The following PPP2R2C variants were observed in gnomAD, a reference collection of about 807,000 sequenced individuals.
PPP2R2C encodes the protein protein phosphatase 2 regulatory subunit Bgamma.
Under a neutral mutation model 45.3 loss-of-function variants are expected in PPP2R2C, and 10 were observed. The ratio of observed to expected loss-of-function variants is 0.22; its 90% CI spans 0.14 to 0.37. The LOEUF is 0.37. PPP2R2C is among the 10% of genes least tolerant of loss of function. The pLI is 1.00. For missense variants in PPP2R2C, 308 were observed against 619.7 expected, an observed-to-expected ratio of 0.50 and a Z score of 5.34; for synonymous variants, 257 against 245.4, an observed-to-expected ratio of 1.05 and a Z score of -0.44.
intron 6 of PPP2R2C, among the ~76,000 whole-genome samples, chr4:6,346,440 CCT>C (rs1379495787): frequency 1.3e-5 from 2 of 152,162 alleles, no homozygotes; most frequent in African/African-American, 2.4e-5. Flanking sequence ...TCCCTGACCC[CCT>C]CTGTCCCTGT....
At chr4:6,444,950 C>G (rs1402313509) in intron 1 of PPP2R2C, among the ~76,000 whole-genome samples, 1 of 152,168 alleles carries the variant, frequency 6.6e-6, no homozygotes, top group East Asian at 1.9e-4. Context: ...TTTGAGAGGC[C>G]AAGGCAGGTG....
chr4:6,426,016 G>A (rs1376525338), intron 1 of PPP2R2C, among the ~76,000 whole-genome samples: 1 of 152,116 alleles, frequency 6.6e-6, no homozygotes, highest in African/African-American at 2.4e-5. Context: ...CTGGGTACAG[G>A]CCTGCTTCCC....
intron 1 of PPP2R2C, among the ~76,000 whole-genome samples, chr4:6,427,025 C>T (rs1719370455): frequency 6.6e-6 from 1 of 152,238 alleles, no homozygotes; most frequent in Non-Finnish European, 1.5e-5. Context: ...ACGGAGGGCA[C>T]ATCCAAGGGG....
Position 6,397,335 on chromosome 4 carries a change from A to T in PPP2R2C, c.71-16241T>A, listed in dbSNP as rs150575333. On this transcript the variant is annotated intron_variant, in intron 1 of 8. Coordinates refer to ENST00000382599, the MANE Select transcript of PPP2R2C (RefSeq NM_020416.4). ...CACCAACCAAAAATCACCCCAGGCC[A>T]GGGGGAGGCCTCAGCCTCGGGGCCT... 3.2e-3 allele frequency among the ~76,000 whole-genome samples: 481 copies of T among 152,294 alleles called. 5 individuals carry two copies. Among genetic ancestry groups the T allele is most frequent in the East Asian group, 0.025 (128 of 5,150 alleles).
Position 6,364,110 on chromosome 4 carries a change from G to C in PPP2R2C, c.625+8413C>G, listed in dbSNP as rs1276318450. The stretch of plus-strand genomic sequence containing the variant: ...GAGAGGCGGGAAATGAACAGGGAAC[G>C]AGGTAGAGGCCAAGCCTCTAGGGAA... On this transcript the variant is annotated intron_variant, in intron 5 of 8. Coordinates refer to ENST00000382599, the MANE Select transcript of PPP2R2C (RefSeq NM_020416.4). The surrounding 1 kb of genome is among the most constrained non-coding windows in gnomAD (Gnocchi z 5.3). 6.6e-6 allele frequency among the ~76,000 whole-genome samples: 1 copy of C among 152,206 alleles called. No individual in the cohort carries two copies. The highest frequency in any genetic ancestry group is 1.5e-5 in the Non-Finnish European group (1 of 68,028).
At chr4:6,556,283 C>T (rs1449870142) in intron 1 of PPP2R2C, among the ~76,000 whole-genome samples, 2 of 152,110 alleles carry the variant, frequency 1.3e-5, no homozygotes, top group South Asian at 2.1e-4. Flanking sequence ...TTGTTCAGGG[C>T]CTGAATGGAA....
chr4:6,414,973 C>G (rs543810351), intron 1 of PPP2R2C, among the ~76,000 whole-genome samples: 4 of 152,316 alleles, frequency 2.6e-5, no homozygotes, highest in African/African-American at 9.6e-5. Context: ...CCATAGGAAC[C>G]CAGGTTCCAC....
At chr4:6,419,204 G>A (rs1718802138) in intron 1 of PPP2R2C, among the ~76,000 whole-genome samples, 1 of 152,196 alleles carries the variant, frequency 6.6e-6, no homozygotes, top group African/African-American at 2.4e-5. Context: ...GATCACCTGA[G>A]GTAGGGAGTT....
chr4:6,478,862 A>G (rs897665313), intron 2 of PPP2R2C, among the ~76,000 whole-genome samples: 1 of 152,182 alleles, frequency 6.6e-6, no homozygotes, highest in East Asian at 1.9e-4. Flanking sequence ...CGGCTGATGG[A>G]GCTGCACATG....
chr4:6,493,701 C>T (rs1364972681), intron 2 of PPP2R2C, among the ~76,000 whole-genome samples: 6 of 152,004 alleles, frequency 3.9e-5, no homozygotes, highest in East Asian at 3.9e-4. Context: ...CCTTGAAGGA[C>T]GGCAGACACG....
chr4:6,541,111 A>C (rs1384691553), intron 1 of PPP2R2C, among the ~76,000 whole-genome samples: 1 of 152,198 alleles, frequency 6.6e-6, no homozygotes, highest in Non-Finnish European at 1.5e-5. Flanking sequence ...TCTGTGGAGG[A>C]TCTTTCCCAA....
chr4:6,382,538 G>A (rs1715880150), intron 1 of PPP2R2C: 6 of 1,348,768 alleles, frequency 4.4e-6, no homozygotes, highest in Non-Finnish European at 5.9e-6. Context: ...TCCCTCCTCA[G>A]CCTCATCCTC....
At chr4:6,382,057 TC>T in intron 1 of PPP2R2C, 1 of 1,403,724 alleles carries the variant, frequency 7.1e-7, no homozygotes, top group African/African-American at 1.5e-5. Flanking sequence ...TGAGGCCTGC[TC>T]CACCAACAAG....
chr4:6,429,027 C>A (rs1178844165), intron 1 of PPP2R2C, among the ~76,000 whole-genome samples: 1 of 152,234 alleles, frequency 6.6e-6, no homozygotes, highest in Admixed American at 6.5e-5. Context: ...GGACATATGT[C>A]CTCTTTGGCA....
rs1269336550 is a variant in PPP2R2C at position 6,525,268 on chromosome 4, G to A, written c.49+10003C>T. Among the ~76,000 whole-genome samples the A allele has an allele frequency of 4.6e-5, 7 of 151,964 alleles. No individual in the cohort carries two copies. The South Asian group carries it at 8.3e-4, about 18-fold the overall frequency. ...AAAAATAAAAAAATTAGCCGGGCAT[G>A]GTGGCATGTGCCTGTAATCCCAGCT... On this transcript the variant is annotated intron_variant, in intron 2 of 9. Transcript: ENST00000506140.
upstream of PPP2R2C, among the ~76,000 whole-genome samples, chr4:6,475,918 G>A (rs4689461): frequency 0.043 from 6,616 of 152,244 alleles, 183 homozygotes; most frequent in East Asian, 0.13. Flanking sequence ...TGAGGGTGGG[G>A]TCTTCATGGA....
chr4:6,403,047 A>C (rs6446501), intron 1 of PPP2R2C, among the ~76,000 whole-genome samples: 104,304 of 152,172 alleles, frequency 0.69, 37,224 homozygotes, highest in East Asian at 0.96. Context: ...GCAGGAGGGC[A>C]GTAATTTCCA....
chr4:6,330,278 G>T lies in PPP2R2C; in HGVS notation c.961-925C>A, dbSNP rs1188320665. Among the ~76,000 whole-genome samples, 1 of 152,206 alleles carries T rather than the reference G, an allele frequency of 6.6e-6. No homozygotes were observed. The highest frequency in any genetic ancestry group is 2.4e-5 in the African/African-American group (1 of 41,448). ...CTGGGTGCGGAAGGGAAGGTAACTGGGTGCCATGGAGCCTGGTTTCAACTC... is the reference window on the plus strand; with the variant it reads ...CTGGGTGCGGAAGGGAAGGTAACTGTGTGCCATGGAGCCTGGTTTCAACTC... On this transcript the variant is annotated intron_variant, in intron 7 of 8. Transcript: ENST00000382599. The surrounding 1 kb of genome is among the most constrained non-coding windows in gnomAD (Gnocchi z 7.0).
chr4:6,428,225 AGAG>A (rs1376541931), intron 1 of PPP2R2C, among the ~76,000 whole-genome samples: 1 of 152,236 alleles, frequency 6.6e-6, no homozygotes, highest in Non-Finnish European at 1.5e-5. Flanking sequence ...AGGTTTCAGG[AGAG>A]GAGGGTCTCA....
Sources: allele counts gnomAD v4.1 joint callset (sites outside exome capture counted in the v4.1 genomes callset), GRCh38; gene constraint gnomAD v4.1.1; non-coding constraint Gnocchi (gnomAD v3.1); transcripts MANE v1.5; gene names NCBI Gene and HGNC (gene_info 2026-07-23, HGNC 2026-07-21).